HS3ST4: variants seen among roughly 807,000 people sequenced by gnomAD.
HS3ST4 encodes heparan sulfate-glucosamine 3-sulfotransferase 4.
HS3ST4 carries 17 observed loss-of-function variants against 29.2 expected under a neutral mutation model. The observed-to-expected ratio is 0.58, with a 90% CI of 0.40 to 0.87. The LOEUF is 0.87. Among genes scored for constraint, HS3ST4 ranks in the 40% least tolerant of loss-of-function variants. The probability of loss-of-function intolerance (pLI) is 0.00; values close to 1 mark genes in which losing one functional copy is unlikely to be tolerated. For synonymous variants in HS3ST4, 314 were observed against 285.7 expected, an observed-to-expected ratio of 1.10 and a Z score of -1.00; for missense variants, 627 against 634.5, an observed-to-expected ratio of 0.99 and a Z score of 0.13.
At chr16:26,093,898 A>G (rs1408505048) in intron 1 of HS3ST4, among the ~76,000 whole-genome samples, 1 of 152,180 alleles carries the variant, frequency 6.6e-6, no homozygotes, top group East Asian at 1.9e-4. Context: ...ACTAGAATAA[A>G]CAGTGTAGAG....
chr16:25,988,276 A>G (rs1969082171), intron 1 of HS3ST4, among the ~76,000 whole-genome samples: 1 of 152,150 alleles, frequency 6.6e-6, no homozygotes, highest in Non-Finnish European at 1.5e-5. Context: ...GAATGTAAAC[A>G]TCTCCGGCTT....
chr16:26,129,497 A>G (rs147471601), intron 1 of HS3ST4, among the ~76,000 whole-genome samples: 192 of 152,344 alleles, frequency 1.3e-3, no homozygotes, highest in African/African-American at 4.0e-3. Context: ...GGGGATTACA[A>G]TAAAACCTTA....
At chr16:25,717,218 C>T (rs1966460424) in intron 1 of HS3ST4, among the ~76,000 whole-genome samples, 1 of 152,060 alleles carries the variant, frequency 6.6e-6, no homozygotes, top group Non-Finnish European at 1.5e-5. Context: ...TGAATTCAGG[C>T]ATTGTGGTTG....
intron 1 of HS3ST4, among the ~76,000 whole-genome samples, chr16:25,805,548 A>G (rs1966981275): frequency 6.6e-6 from 1 of 151,724 alleles, no homozygotes. Context: ...TGGTATCGGC[A>G]ACTTTCACGG....
intron 1 of HS3ST4, among the ~76,000 whole-genome samples, chr16:25,832,900 G>A (rs1403021462): frequency 6.6e-6 from 1 of 152,156 alleles, no homozygotes; most frequent in African/African-American, 2.4e-5. Flanking sequence ...TACAGAAAAA[G>A]CAATGGCTTC....
intron 1 of HS3ST4, among the ~76,000 whole-genome samples, chr16:26,043,516 T>G (rs968957811): frequency 6.6e-6 from 1 of 152,166 alleles, no homozygotes; most frequent in Non-Finnish European, 1.5e-5. Flanking sequence ...ACTGTTACAT[T>G]ATAGGAATAA....
chr16:26,091,847 C>A (rs1898860908), intron 1 of HS3ST4, among the ~76,000 whole-genome samples: 1 of 152,204 alleles, frequency 6.6e-6, no homozygotes, highest in Non-Finnish European at 1.5e-5. Context: ...TTCAAGAATT[C>A]TCTTTTTCAA....
At chr16:26,087,502 T>A (rs1218239869) in intron 1 of HS3ST4, among the ~76,000 whole-genome samples, 1 of 151,828 alleles carries the variant, frequency 6.6e-6, no homozygotes, top group East Asian at 2.0e-4. Flanking sequence ...CCTCCCTCAC[T>A]CCCTCAGCGT....
intron 1 of HS3ST4, among the ~76,000 whole-genome samples, chr16:25,898,661 G>A (rs1042390101): frequency 6.6e-6 from 1 of 152,100 alleles, no homozygotes; most frequent in Admixed American, 6.6e-5. Flanking sequence ...TAAGGTCACC[G>A]GAAGCATGAA....
intron 1 of HS3ST4, among the ~76,000 whole-genome samples, chr16:25,704,643 C>T (rs1215452394): frequency 2.0e-5 from 3 of 151,794 alleles, no homozygotes; most frequent in South Asian, 2.1e-4. Flanking sequence ...TTTGGGAGGC[C>T]GAGGCAGGTG....
intron 1 of HS3ST4, among the ~76,000 whole-genome samples, chr16:25,759,355 C>T: frequency 6.6e-6 from 1 of 152,224 alleles, no homozygotes; most frequent in East Asian, 1.9e-4. Flanking sequence ...GTTCATCTTC[C>T]AGGCACAGTG....
intron 1 of HS3ST4, among the ~76,000 whole-genome samples, chr16:25,744,638 A>ATGGT: frequency 6.6e-6 from 1 of 152,258 alleles, no homozygotes; most frequent in Non-Finnish European, 1.5e-5. Context: ...ACATTCTGAT[A>ATGGT]TGGTTTGGCT....
At chr16:25,737,577 T>C (rs1421398420) in intron 1 of HS3ST4, among the ~76,000 whole-genome samples, 2 of 152,100 alleles carry the variant, frequency 1.3e-5, no homozygotes, top group Admixed American at 6.6e-5. Context: ...ATGATAAATA[T>C]TGGAGGCTTC....
chr16:25,823,571 TA>T lies in HS3ST4; in HGVS notation c.734+130421del, dbSNP rs1158198202. On this transcript the variant is annotated intron_variant, in intron 1 of 1. Coordinates refer to ENST00000331351, the MANE Select transcript of HS3ST4 (RefSeq NM_006040.3). ...CACTTTTTAATTTAATTTAATTTTT[TA>T]TTTTTTGAGATGAAGTCTTGCTCTG... 2.0e-5 allele frequency among the ~76,000 whole-genome samples: 3 copies of T among 152,298 alleles called. No homozygotes were observed. The East Asian group carries it at 5.8e-4, about 29-fold the overall frequency.
In HS3ST4 at chr16:26,122,237, G is replaced by A. The variant is rs564165417; in HGVS notation, c.735-13375G>A. Among the ~76,000 whole-genome samples the A allele has an allele frequency of 2.1e-4, 32 of 150,844 alleles. 1 individual carries two copies. The South Asian group carries it at 5.9e-3, about 28-fold the overall frequency. Reference sequence around the variant, plus strand: ...CATGCACACGCATACACACACATGCGTGGCAACCTTTCAAACATGTAGATT... The same window carrying A: ...CATGCACACGCATACACACACATGCATGGCAACCTTTCAAACATGTAGATT... On this transcript the variant is annotated intron_variant, in intron 1 of 1. Transcript: ENST00000331351.
chr16:25,832,883 A>C (rs1399437496), intron 1 of HS3ST4, among the ~76,000 whole-genome samples: 1 of 152,202 alleles, frequency 6.6e-6, no homozygotes, highest in Non-Finnish European at 1.5e-5. Flanking sequence ...CCAAACAAAA[A>C]ATAAGGTACA....
At chr16:25,704,576 T>C (rs1966361195) in intron 1 of HS3ST4, among the ~76,000 whole-genome samples, 1 of 152,108 alleles carries the variant, frequency 6.6e-6, no homozygotes, top group Non-Finnish European at 1.5e-5. Flanking sequence ...CTCCTGCCTC[T>C]AGTAGCTGGA....
intron 1 of HS3ST4, among the ~76,000 whole-genome samples, chr16:26,098,807 G>A (rs561682162): frequency 4.7e-4 from 71 of 152,216 alleles, no homozygotes; most frequent in African/African-American, 1.6e-3. Context: ...CTGTGCAGGG[G>A]GGTAGATGTA....
chr16:25,979,058 C>T (rs777811229), intron 1 of HS3ST4, among the ~76,000 whole-genome samples: 6 of 150,834 alleles, frequency 4.0e-5, no homozygotes, highest in East Asian at 2.0e-4. Flanking sequence ...CCATCATGCC[C>T]GGCTAATTTT....
Sources: allele counts gnomAD v4.1 joint callset (sites outside exome capture counted in the v4.1 genomes callset), GRCh38; gene constraint gnomAD v4.1.1; transcripts MANE v1.5; gene names NCBI Gene and HGNC (gene_info 2026-07-23, HGNC 2026-07-21).